Variants in CNTRL observed in about 807,000 individuals in gnomAD.
CNTRL encodes centriolin.
Under a neutral mutation model 303.7 loss-of-function variants are expected in CNTRL, and 233 were observed. The ratio of observed to expected loss-of-function variants is 0.77; its 90% CI spans 0.69 to 0.86. The LOEUF is 0.86. CNTRL is among the 40% of genes least tolerant of loss of function. The pLI is 0.00. For missense variants in CNTRL, 2,524 were observed against 2,650.6 expected, an observed-to-expected ratio of 0.95 and a Z score of 1.05; for synonymous variants, 900 against 922.2, an observed-to-expected ratio of 0.98 and a Z score of 0.44.
At chr9:121,088,059 GACA>G (rs2048415635) in intron 2 of CNTRL, among the ~76,000 whole-genome samples, 1 of 152,178 alleles carries the variant, frequency 6.6e-6, no homozygotes, top group Admixed American at 6.5e-5. Context: ...GAACAGGAAT[GACA>G]ACACTTCCAG....
At chr9:121,097,939 T>C in intron 6 of CNTRL, among the ~76,000 whole-genome samples, 1 of 152,216 alleles carries the variant, frequency 6.6e-6, no homozygotes, top group East Asian at 1.9e-4. Context: ...CTGTCAATTA[T>C]AGCACAGTTA....
chr9:121,116,853 T>C (rs181825354), intron 11 of CNTRL, among the ~76,000 whole-genome samples: 110 of 152,294 alleles, frequency 7.2e-4, no homozygotes, highest in African/African-American at 2.6e-3. Flanking sequence ...CAGGAAACAC[T>C]GGACAGTAGA....
chr9:121,088,080 ATG>A (rs1249773702), intron 2 of CNTRL, among the ~76,000 whole-genome samples: 1 of 152,198 alleles, frequency 6.6e-6, no homozygotes, highest in African/African-American at 2.4e-5. Context: ...CAGCTGGAGC[ATG>A]TGTCAATTCT....
At chr9:121,122,054 G>A (rs909730980) in intron 12 of CNTRL, 4 of 407,190 alleles carry the variant, frequency 9.8e-6, no homozygotes. Flanking sequence ...CTCCACCGTG[G>A]TGTAAATCGC....
intron 39 of CNTRL, 141 bp from the exon 40 acceptor site, chr9:121,171,267 C>T (rs578055498): frequency 1.1e-4 from 94 of 852,048 alleles, no homozygotes; most frequent in Middle Eastern, 6.5e-4. Flanking sequence ...CATGAAAGGC[C>T]GATAGAATTA....
At chr9:121,120,591 C>A (rs952022605) in intron 12 of CNTRL, among the ~76,000 whole-genome samples, 2 of 152,194 alleles carry the variant, frequency 1.3e-5, no homozygotes, top group Admixed American at 6.5e-5. Flanking sequence ...AGGAAGGAAG[C>A]AGCTTATAGA....
chr9:121,104,119 C>G (rs142650094), intron 7 of CNTRL, among the ~76,000 whole-genome samples: 6 of 152,308 alleles, frequency 3.9e-5, no homozygotes, highest in African/African-American at 1.2e-4. Context: ...AGACTTGGAA[C>G]CAACCTGAAT....
rs776452294 is a variant in CNTRL at position 121,098,611 on chromosome 9, G to A, written c.808+39G>A. 6 of 1,329,544 alleles carry A rather than the reference G, an allele frequency of 4.5e-6. 1 individual carries two copies. In the South Asian group the frequency reaches 8.3e-5, roughly 18 times the overall value. 82.4% of individuals were successfully genotyped at this position (1,329,544 alleles called of 1,614,324 possible). ...TAAAAAATAATAAATTTGGGTGAGGGAGGAATTTATTTTCAGAAGTTATCT... is the reference window on the plus strand; with the variant it reads ...TAAAAAATAATAAATTTGGGTGAGGAAGGAATTTATTTTCAGAAGTTATCT... On this transcript the variant is annotated intron_variant, in intron 7 of 43. Transcript: ENST00000373855.
intron 14 of CNTRL, among the ~76,000 whole-genome samples, chr9:121,134,872 C>T (rs1008488757): frequency 6.6e-6 from 1 of 152,128 alleles, no homozygotes; most frequent in Non-Finnish European, 1.5e-5. Flanking sequence ...ATTCCCTATT[C>T]TATTTTTTGT....
intron 8 of CNTRL, among the ~76,000 whole-genome samples, chr9:121,110,349 G>A (rs532173209): frequency 6.6e-6 from 1 of 152,260 alleles, no homozygotes; most frequent in Admixed American, 6.5e-5. Context: ...CTAAGTAATG[G>A]AAGGTAGTAA....
At chr9:121,078,691 G>A (rs1434184900) in intron 1 of CNTRL, among the ~76,000 whole-genome samples, 1 of 152,206 alleles carries the variant, frequency 6.6e-6, no homozygotes, top group East Asian at 1.9e-4. Context: ...TGACTGACCA[G>A]CTATAAATCA....
At chr9:121,136,946 G>T (rs931082009) in intron 15 of CNTRL, among the ~76,000 whole-genome samples, 4 of 152,200 alleles carry the variant, frequency 2.6e-5, no homozygotes, top group Non-Finnish European at 4.4e-5. Flanking sequence ...ATGGCTGATG[G>T]ATGAGTAGGA....
Position 121,088,459 on chromosome 9 carries a change from C to T in CNTRL, c.133C>T (p.Pro45Ser). The T allele has an allele frequency of 6.2e-7, 1 of 1,612,972 alleles. No homozygotes were observed. The highest frequency in any genetic ancestry group is 2.2e-5 in the East Asian group (1 of 44,832). The stretch of plus-strand genomic sequence containing the variant: ...ACCTTTGATTGGATCAGAGACTCTA[C>T]CTTTTCATTCTGGAGGACAGTGGTG... ...LSPLIGSETL[P>S]FHSGGQWCEQ... is the part of the protein sequence containing the mutation. Residue 45 changes from proline (P) to serine (S), a missense_variant, in exon 3 of 44, where the codon CCT becomes TCT. Physicochemically the swap from Pro to Ser is moderately conservative, Grantham distance 74 (BLOSUM62 -1). Coordinates refer to ENST00000373855, the MANE Select transcript of CNTRL (RefSeq NM_007018.6).
In CNTRL at chr9:121,088,389, T is replaced by C. The variant is rs1477282677; in HGVS notation, c.63T>C (p.Ser21=). ...CAAAGATACCATCATCATCTCACTC[T>C]CCTATCCCATCATCTATGTCCAATA... The part of the protein sequence containing the change: ...SKAKIPSSSH[S]PIPSSMSNMR... Residue 21 remains serine (S), a synonymous_variant, in exon 3 of 44, where the codon TCT becomes TCC. Coordinates refer to ENST00000373855, the MANE Select transcript of CNTRL (RefSeq NM_007018.6). The C allele has an allele frequency of 6.2e-7, 1 of 1,613,462 alleles. No homozygotes were observed. The highest frequency in any genetic ancestry group is 1.3e-5 in the African/African-American group (1 of 74,918).
At chr9:121,079,450 T>C (rs1366327190) in intron 1 of CNTRL, among the ~76,000 whole-genome samples, 4 of 152,124 alleles carry the variant, frequency 2.6e-5, no homozygotes, top group Admixed American at 2.6e-4. Context: ...GGAGGATTGC[T>C]TGAGCTCAGG....
Position 121,177,236 on chromosome 9 carries a change from C to T in CNTRL, c.*50C>T. On this transcript the variant is annotated 3_prime_UTR_variant, in exon 44 of 44. Transcript: ENST00000373855. ...TTCAAGGAAAACACCTCCACTACCT[C>T]ACTGACTTCATAATTGGAATGTCAC... is the stretch of plus-strand genomic sequence containing the variant. The T allele has an allele frequency of 6.9e-7, 1 of 1,452,782 alleles. No homozygotes were observed. Among genetic ancestry groups the T allele is most frequent in the Non-Finnish European group, 9.6e-7 (1 of 1,041,812 alleles). The allele number at this position is 1,452,782 out of a possible 1,614,324, so 90.0% of individuals were successfully genotyped here. A position where few individuals can be genotyped will look rare whatever the true frequency, so the allele number is the denominator to read the frequency against.
At position 121,142,245 on chromosome 9, in the gene CNTRL, C is replaced by T; in HGVS notation, c.2846C>T (p.Ala949Val). 2 of 1,603,502 alleles carry T rather than the reference C, an allele frequency of 1.2e-6. No individual in the cohort carries two copies. Among genetic ancestry groups the T allele is most frequent in the Non-Finnish European group, 1.7e-6 (2 of 1,177,034 alleles). The change falls in exon 19 of 44, where the codon GCC (alanine) becomes GTC (valine). Residue 949 changes from alanine to valine, a missense_variant. Coordinates refer to ENST00000373855, the MANE Select transcript of CNTRL (RefSeq NM_007018.6). The stretch of plus-strand genomic sequence containing the variant: ...GATGAAGAGAAGGAGAGAATTCTGG[C>T]CCAACTCCGAGAGTTAGAGAAAAAG... ...EADEEKERIL[A>V]QLRELEKKKK...
chr9:121,133,877 A>G (rs558952501), intron 14 of CNTRL, among the ~76,000 whole-genome samples: 1 of 152,312 alleles, frequency 6.6e-6, no homozygotes, highest in Non-Finnish European at 1.5e-5. Context: ...TTGCTTCTAA[A>G]TATTTCAGTA....
intron 4 of CNTRL, among the ~76,000 whole-genome samples, chr9:121,093,449 A>G (rs1303936570): frequency 6.6e-6 from 1 of 152,208 alleles, no homozygotes; most frequent in Non-Finnish European, 1.5e-5. Flanking sequence ...ACCAGTAAGT[A>G]TAATGCAAAT....
Sources: allele counts gnomAD v4.1 joint callset (sites outside exome capture counted in the v4.1 genomes callset), GRCh38; gene constraint gnomAD v4.1.1; transcripts MANE v1.5; gene names NCBI Gene and HGNC (gene_info 2026-07-23, HGNC 2026-07-21).